Variants in SLC43A2 observed in about 807,000 individuals in gnomAD.
The protein encoded by SLC43A2 is large neutral amino acids transporter small subunit 4.
Under a neutral mutation model 63.2 loss-of-function variants are expected in SLC43A2, and 38 were observed. That is an observed-to-expected ratio of 0.60 (90% CI 0.46 to 0.79). The LOEUF (loss-of-function observed/expected upper bound fraction) is 0.79. Ranked by LOEUF, SLC43A2 falls within the 30% of genes least tolerant of loss-of-function variation. The pLI is 0.00. For missense variants in SLC43A2, 644 were observed against 756.2 expected (o/e 0.85, Z 1.74); for synonymous variants, 322 against 331.0 (o/e 0.97, Z 0.30).
At chr17:1,608,487 G>A (rs1427592255) in intron 5 of SLC43A2, among the ~76,000 whole-genome samples, 1 of 151,882 alleles carries the variant, frequency 6.6e-6, no homozygotes, top group Non-Finnish European at 1.5e-5. Context: ...TCCGCCTCCC[G>A]GGTTCAAGCA....
intron 10 of SLC43A2, among the ~76,000 whole-genome samples, chr17:1,584,261 C>A (rs766191710): frequency 1.3e-5 from 2 of 152,170 alleles, no homozygotes; most frequent in Non-Finnish European, 2.9e-5. Flanking sequence ...CACGCAGACA[C>A]CCTGGATGAT....
chr17:1,576,285 T>C (rs1193265332), intron 13 of SLC43A2, among the ~76,000 whole-genome samples: 1 of 152,048 alleles, frequency 6.6e-6, no homozygotes, highest in African/African-American at 2.4e-5. Context: ...GGTTTCACCA[T>C]GTTGGCCAGG....
intron 13 of SLC43A2, 149 bp from the exon 14 acceptor site, chr17:1,575,914 C>A: frequency 1.1e-6 from 1 of 935,396 alleles, no homozygotes; most frequent in East Asian, 2.7e-5. Flanking sequence ...CATATGCCAG[C>A]GTCCCGGTTC....
At chr17:1,600,152 A>ATATATATATATATATATATATATTT (rs1216616243) in intron 5 of SLC43A2, among the ~76,000 whole-genome samples, 1 of 60,278 alleles carries the variant, frequency 1.7e-5, no homozygotes, top group Non-Finnish European at 3.2e-5. Flanking sequence ...ATATATATAT[A>ATATATATATATATATATATATATTT]TTTTTTTTTT....
At chr17:1,584,462 C>A (rs542322816) in intron 10 of SLC43A2, among the ~76,000 whole-genome samples, 1 of 152,110 alleles carries the variant, frequency 6.6e-6, no homozygotes, top group Admixed American at 6.6e-5. Flanking sequence ...ATGGAGTCCT[C>A]GGTGGAGGGC....
At chr17:1,599,206 G>A (rs60370050) in intron 5 of SLC43A2, among the ~76,000 whole-genome samples, 14,741 of 151,820 alleles carry the variant, frequency 0.097, 1,018 homozygotes, top group East Asian at 0.24. Context: ...CGGGTGTGGC[G>A]GCGTGCACCT....
At chr17:1,609,757 G>A (rs1906927391) in intron 5 of SLC43A2, among the ~76,000 whole-genome samples, 1 of 150,480 alleles carries the variant, frequency 6.6e-6, no homozygotes. Context: ...AGATCTCTAA[G>A]TACTGACAGG....
intron 13 of SLC43A2, among the ~76,000 whole-genome samples, chr17:1,575,999 G>T (rs1016603946): frequency 6.6e-6 from 1 of 152,184 alleles, no homozygotes; most frequent in African/African-American, 2.4e-5. Context: ...TGAACCTCTG[G>T]GCTTGGAACA....
intron 5 of SLC43A2, among the ~76,000 whole-genome samples, chr17:1,607,684 G>T (rs1000363714): frequency 6.6e-6 from 1 of 152,102 alleles, no homozygotes; most frequent in Non-Finnish European, 1.5e-5. Context: ...TGGACCAAGG[G>T]TTGGCAAACT....
At position 1,569,807 on chromosome 17, in the gene SLC43A2, G is replaced by A. The variant is rs1424103336; in HGVS notation, c.*5797C>T. 2 of 151,860 alleles carry A rather than the reference G, an allele frequency of 1.3e-5. No homozygotes were observed. Among genetic ancestry groups the A allele is most frequent in the Non-Finnish European group, 2.9e-5 (2 of 68,006 alleles). 9.4% of individuals were successfully genotyped at this position (151,860 alleles called of 1,614,324 possible). A position where few individuals can be genotyped will look rare whatever the true frequency, so the allele number is the denominator to read the frequency against. ...TGAAAGCCACAAAAGAAAAGTGAACGAGAGAAGAGTTTCTTAAGGCTTTGC... is the reference window on the plus strand; with the variant it reads ...TGAAAGCCACAAAAGAAAAGTGAACAAGAGAAGAGTTTCTTAAGGCTTTGC... On this transcript the variant is annotated 3_prime_UTR_variant, in exon 14 of 14. Coordinates refer to ENST00000301335, the MANE Select transcript of SLC43A2 (RefSeq NM_152346.3).
chr17:1,603,229 C>A (rs904904479), intron 5 of SLC43A2: 1 of 152,022 alleles, frequency 6.6e-6, no homozygotes. Flanking sequence ...AAAAGGAAGC[C>A]GACTACAGGA....
chr17:1,622,697 T>C (rs1016839862), intron 2 of SLC43A2, among the ~76,000 whole-genome samples: 17 of 152,142 alleles, frequency 1.1e-4, no homozygotes, highest in Non-Finnish European at 2.1e-4. Context: ...GTAGATCACC[T>C]GAGGTCAGGA....
chr17:1,614,537 C>T (rs569995209), intron 4 of SLC43A2, among the ~76,000 whole-genome samples: 52 of 152,220 alleles, frequency 3.4e-4, no homozygotes, highest in Non-Finnish European at 6.8e-4. Context: ...TGGTGAAACT[C>T]GAGTCCTCTT....
rs150896992 is a variant in SLC43A2, at chr17:1,590,926, G to A, written c.954C>T (p.Ser318=). 6.2e-5 allele frequency: 96 copies of A among 1,551,054 alleles called. No homozygotes were observed. The highest frequency in any genetic ancestry group is 7.7e-5 in the Non-Finnish European group (88 of 1,147,256). ...TGAGCAGCAGGATGGGGCTGAACAC[G>A]CTGTGCATGAAGGAGGGGGCCACTG... is the stretch of plus-strand genomic sequence containing the variant. ...DAAVAPSFMH[S]VFSPILLLSL... The change falls in exon 9 of 14, where the codon AGC becomes AGT. Residue 318 remains serine (S), a synonymous_variant. Transcript: ENST00000301335.
chr17:1,584,490 A>G (rs929543925), intron 10 of SLC43A2, among the ~76,000 whole-genome samples: 5 of 152,138 alleles, frequency 3.3e-5, no homozygotes, highest in Admixed American at 3.3e-4. Flanking sequence ...AATAAACCGT[A>G]GCTTATTATA....
upstream of SLC43A2, among the ~76,000 whole-genome samples, chr17:1,629,253 C>G (rs1908975738): frequency 6.6e-6 from 1 of 152,108 alleles, no homozygotes; most frequent in African/African-American, 2.4e-5. Flanking sequence ...CCAGCTGCCC[C>G]CTGCGCGCGG....
rs953243377 is a variant in SLC43A2 at position 1,605,944 on chromosome 17, C to T, written c.501+7251G>A. Among the ~76,000 whole-genome samples, 1 of 152,236 alleles carries T rather than the reference C, an allele frequency of 6.6e-6. No homozygotes were observed. Among genetic ancestry groups the T allele is most frequent in the African/African-American group, 2.4e-5 (1 of 41,458 alleles). On this transcript the variant is annotated intron_variant, in intron 5 of 13. Coordinates refer to ENST00000301335, the MANE Select transcript of SLC43A2 (RefSeq NM_152346.3). This position sits in a 1 kb window ranked among gnomAD's most constrained non-coding sequence, Gnocchi z 4.9. ...AGTCCTGCCAATACCGCTGCCCTTT[C>T]CGTCTGAACGTGGTCACATACTGCA...
intron 5 of SLC43A2, among the ~76,000 whole-genome samples, chr17:1,599,737 T>C (rs1280782452): frequency 6.6e-6 from 1 of 150,804 alleles, no homozygotes; most frequent in East Asian, 2.0e-4. Context: ...ACTTTCAACA[T>C]TTTTCTACAA....
At chr17:1,594,779 G>A (rs561380602) in intron 5 of SLC43A2, among the ~76,000 whole-genome samples, 90 of 151,642 alleles carry the variant, frequency 5.9e-4, no homozygotes, top group Middle Eastern at 3.4e-3. Context: ...CAGTAGAGAC[G>A]GGGTTTCACC....
Sources: gnomAD v4.1 joint callset for allele counts (sites outside exome capture counted in the v4.1 genomes callset) on GRCh38, gnomAD v4.1.1 for gene constraint, Gnocchi (gnomAD v3.1) non-coding constraint, MANE v1.5 for transcripts, NCBI Gene and HGNC (gene_info 2026-07-23, HGNC 2026-07-21) for gene names.